MAGI2: variants seen among roughly 807,000 people sequenced by gnomAD.
The protein encoded by MAGI2 is membrane associated guanylate kinase, WW and PDZ domain containing 2, also known as membrane-associated guanylate kinase, WW and PDZ domain-containing protein 2.
In MAGI2, 35 loss-of-function variants were observed where a neutral mutation model predicts 133.3. That is an observed-to-expected ratio of 0.26 (90% confidence interval 0.20 to 0.35). The LOEUF (loss-of-function observed/expected upper bound fraction) is 0.35. Ranked by LOEUF, MAGI2 falls within the 10% of genes least tolerant of loss-of-function variation. MAGI2 has a pLI of 1.00. For synonymous variants in MAGI2, 729 were observed against 710.6 expected, an observed-to-expected ratio of 1.03 and a Z score of -0.41; for missense variants, 1,636 against 1,863.4, an observed-to-expected ratio of 0.88 and a Z score of 2.25.
At chr7:78,050,957 CCA>C (rs746310546) in intron 21 of MAGI2, among the ~76,000 whole-genome samples, 31 of 152,210 alleles carry the variant, frequency 2.0e-4, no homozygotes, top group Non-Finnish European at 3.8e-4. Context: ...ACACAACTCT[CCA>C]CCTTGCCCAG....
At chr7:78,998,646 A>G (rs951179486) in intron 2 of MAGI2, among the ~76,000 whole-genome samples, 10 of 152,322 alleles carry the variant, frequency 6.6e-5, no homozygotes, top group Middle Eastern at 3.4e-3. Flanking sequence ...TTAGAATAGC[A>G]GTGACTTTAA....
intron 1 of MAGI2, among the ~76,000 whole-genome samples, chr7:79,073,607 C>T (rs1368741811): frequency 6.6e-6 from 1 of 151,964 alleles, no homozygotes; most frequent in East Asian, 1.9e-4. Context: ...ATCTTCTATT[C>T]TTGCTCCTCT....
At chr7:79,058,134 A>G (rs1187068189) in intron 1 of MAGI2, among the ~76,000 whole-genome samples, 3 of 152,104 alleles carry the variant, frequency 2.0e-5, no homozygotes, top group African/African-American at 7.2e-5. Context: ...AACTGAGAGA[A>G]CAACAAGGCA....
intron 6 of MAGI2, among the ~76,000 whole-genome samples, chr7:78,424,058 G>A (rs1051411034): frequency 1.1e-4 from 17 of 152,158 alleles, no homozygotes; most frequent in African/African-American, 4.1e-4. Flanking sequence ...TGTCTCCAGG[G>A]CATGTCAGAG....
In MAGI2 at chr7:79,212,122, A is replaced by T. The variant is rs916475403; in HGVS notation, c.302-204916T>A. On this transcript the variant is annotated intron_variant, in intron 1 of 21. Transcript: ENST00000354212. ...CCATATTTATTTTACTTATTACAATACACATACTTTCTGCAATTCTTTTTC... is the reference window on the plus strand; with the variant it reads ...CCATATTTATTTTACTTATTACAATTCACATACTTTCTGCAATTCTTTTTC... 3.9e-5 allele frequency among the ~76,000 whole-genome samples: 6 copies of T among 152,138 alleles called. No homozygotes were observed. The South Asian group carries it at 1.0e-3, about 26-fold the overall frequency.
intron 8 of MAGI2, chr7:78,345,635 C>G (rs1399092726): frequency 3.0e-6 from 1 of 337,128 alleles, no homozygotes; most frequent in East Asian, 6.3e-5. Flanking sequence ...ACTTATGAGT[C>G]TCTATGAATC....
chr7:78,332,594 AGG>A (rs1201869812), intron 9 of MAGI2, among the ~76,000 whole-genome samples: 6 of 151,398 alleles, frequency 4.0e-5, no homozygotes, highest in Non-Finnish European at 2.9e-5. Flanking sequence ...GCTACTCAGG[AGG>A]CTGAGGCAGG....
chr7:78,540,061 A>C (rs1360750661), intron 3 of MAGI2, among the ~76,000 whole-genome samples: 2 of 152,244 alleles, frequency 1.3e-5, no homozygotes, highest in African/African-American at 4.8e-5. Flanking sequence ...AGCTGTGATC[A>C]TATAGGGGGA....
At chr7:78,533,917 G>C (rs985451596) in intron 3 of MAGI2, among the ~76,000 whole-genome samples, 1 of 152,128 alleles carries the variant, frequency 6.6e-6, no homozygotes, top group African/African-American at 2.4e-5. Flanking sequence ...CAATCAGAAA[G>C]AGTATCAAGA....
intron 9 of MAGI2, among the ~76,000 whole-genome samples, chr7:78,338,023 T>C (rs1309639475): frequency 6.6e-6 from 1 of 152,232 alleles, no homozygotes; most frequent in African/African-American, 2.4e-5. Context: ...CAAACCTCTA[T>C]GCCAAATGGG....
Position 78,648,459 on chromosome 7 carries a change from G to T in MAGI2, c.419-21220C>A, listed in dbSNP as rs374010033. ...TACAACAGCTGAAACCTGAAATATT[G>T]TTGATCCTTATGATTTTCTTTCACC... On this transcript the variant is annotated intron_variant, in intron 2 of 21. Transcript: ENST00000354212. Among the ~76,000 whole-genome samples the T allele has an allele frequency of 9.9e-5, 15 of 152,260 alleles. No individual in the cohort carries two copies. In the East Asian group the frequency reaches 1.2e-3, roughly 12 times the overall value.
chr7:79,069,325 G>C (rs1056425343), intron 1 of MAGI2, among the ~76,000 whole-genome samples: 3 of 152,256 alleles, frequency 2.0e-5, no homozygotes, highest in Admixed American at 2.0e-4. Flanking sequence ...AGCTCTTCTT[G>C]TTGCATTGAT....
At chr7:78,402,798 A>T (rs545621112) in intron 6 of MAGI2, among the ~76,000 whole-genome samples, 2 of 152,178 alleles carry the variant, frequency 1.3e-5, no homozygotes, top group African/African-American at 2.4e-5. Flanking sequence ...CACATTAATA[A>T]ATTTATTCTC....
At chr7:78,674,247 T>C (rs201696461) in intron 2 of MAGI2, among the ~76,000 whole-genome samples, 1 of 148,238 alleles carries the variant, frequency 6.7e-6, no homozygotes, top group Non-Finnish European at 1.5e-5. Flanking sequence ...TTTTTTTTTT[T>C]ACACCTGATC....
chr7:78,464,966 G>C (rs755375392), intron 6 of MAGI2, among the ~76,000 whole-genome samples: 21 of 151,948 alleles, frequency 1.4e-4, no homozygotes, highest in Non-Finnish European at 1.3e-4. Context: ...CTATCATAGT[G>C]CGTATTATAA....
chr7:78,046,099 A>G (rs1811387618), intron 21 of MAGI2, among the ~76,000 whole-genome samples: 2 of 152,074 alleles, frequency 1.3e-5, no homozygotes, highest in Non-Finnish European at 2.9e-5. Context: ...TAAAAGGACC[A>G]GAAATAGGAA....
At chr7:78,652,193 T>C (rs1326847471) in intron 2 of MAGI2, among the ~76,000 whole-genome samples, 1 of 152,166 alleles carries the variant, frequency 6.6e-6, no homozygotes, top group Non-Finnish European at 1.5e-5. Flanking sequence ...TTTACATATG[T>C]GAATTTCCGT....
rs3840607 is a variant in MAGI2 at position 78,069,539 on chromosome 7, GGAGAGAGA to G, written c.3706+9400_3706+9407del. On this transcript the variant is annotated intron_variant, in intron 21 of 21. Transcript: ENST00000354212. Reference sequence around the variant, plus strand: ...AGAGAGAGATTGAAAGAAAGAGAGAGGAGAGAGAGAGAGAGAGAGAGAGAGAGAGAGAG... The same window carrying G: ...AGAGAGAGATTGAAAGAAAGAGAGAGGAGAGAGAGAGAGAGAGAGAGAGAG... Among the ~76,000 whole-genome samples the G allele has an allele frequency of 1.3e-3, 171 of 134,722 alleles. 1 individual carries two copies. Among genetic ancestry groups the G allele is most frequent in the Middle Eastern group, 3.7e-3 (1 of 268 alleles). The allele number at this position is 134,722 out of a possible 152,430, so 88.4% of individuals were successfully genotyped here. A position where few individuals can be genotyped will look rare whatever the true frequency, so the allele number is the denominator to read the frequency against.
chr7:78,108,644 G>A (rs1163158540), intron 20 of MAGI2, among the ~76,000 whole-genome samples: 1 of 13,074 alleles, frequency 7.6e-5, no homozygotes, highest in South Asian at 3.5e-3. Flanking sequence ...CTCTCTGTAT[G>A]TGTGTGTGTG....
Sources: gnomAD v4.1 joint callset for allele counts (sites outside exome capture counted in the v4.1 genomes callset) on GRCh38, gnomAD v4.1.1 for gene constraint, MANE v1.5 for transcripts, NCBI Gene and HGNC (gene_info 2026-07-23, HGNC 2026-07-21) for gene names.